Variants in MYH1 observed in about 807,000 individuals in gnomAD.
The protein encoded by MYH1 is myosin heavy chain 1, also known as myosin-1.
A neutral mutation model predicts 225.6 loss-of-function variants in MYH1; 214 were observed. The ratio of observed to expected loss-of-function variants is 0.95; its 90% confidence interval spans 0.85 to 1.06. The LOEUF is 1.06. Ranked by LOEUF, MYH1 falls within the 50% of genes least tolerant of loss-of-function variation. MYH1 has a pLI of 0.00. For synonymous variants in MYH1, 774 were observed against 842.3 expected (o/e 0.92, Z 1.40); for missense variants, 2,098 against 2,344.2 (o/e 0.89, Z 2.17).
chr17:10,499,783 ATATT>A (rs1189758415), intron 28 of MYH1, among the ~76,000 whole-genome samples: 2 of 152,220 alleles, frequency 1.3e-5, no homozygotes, highest in Non-Finnish European at 2.9e-5. Flanking sequence ...ATTATAATAA[ATATT>A]TATTCTGAAC....
At position 10,513,528 on chromosome 17, in the gene MYH1, G is replaced by A. The variant is rs571938733; in HGVS notation, c.805+98C>T. 5.3e-5 allele frequency: 63 copies of A among 1,193,958 alleles called. 1 individual carries two copies. The South Asian group carries it at 7.2e-4, about 14-fold the overall frequency. 74.0% of individuals were successfully genotyped at this position (1,193,958 alleles called of 1,614,324 possible). On this transcript the variant is annotated intron_variant, in intron 9 of 39. Transcript: ENST00000226207. ...CACAAGCATGTTTGGCAGCAGACTGGTGCTTTACAAGCTCCATGTTCAGCA... is the reference window on the plus strand; with the variant it reads ...CACAAGCATGTTTGGCAGCAGACTGATGCTTTACAAGCTCCATGTTCAGCA...
At chr17:10,510,205 T>C (rs1057003001) in intron 14 of MYH1, among the ~76,000 whole-genome samples, 5 of 151,966 alleles carry the variant, frequency 3.3e-5, no homozygotes, top group African/African-American at 4.8e-5. Flanking sequence ...TAGTCAGAGG[T>C]TTCTTAATGA....
At chr17:10,496,193 G>T (rs1328237236) in intron 34 of MYH1, 40 bp from the exon 35 acceptor site, 1 of 1,614,140 alleles carries the variant, frequency 6.2e-7, no homozygotes, top group Non-Finnish European at 8.5e-7. Flanking sequence ...TGTATTCAGG[G>T]TTGCAGGCAC....
chr17:10,513,939 A>G (rs1196820409), intron 7 of MYH1, 26 bp from the exon 8 acceptor site: 15 of 1,613,894 alleles, frequency 9.3e-6, no homozygotes, highest in Non-Finnish European at 1.1e-5. Context: ...CAGTCCTTGC[A>G]TCTGGGGCTT....
At chr17:10,497,612 A>AGC in intron 31 of MYH1, 122 bp downstream of exon 31, 2 of 1,502,560 alleles carry the variant, frequency 1.3e-6, no homozygotes, top group Non-Finnish European at 1.8e-6. Flanking sequence ...CTCCACAGAC[A>AGC]GCTGCTGATG....
intron 14 of MYH1, 91 bp from the exon 15 acceptor site, chr17:10,509,746 C>G: frequency 3.7e-6 from 6 of 1,606,682 alleles, no homozygotes; most frequent in Middle Eastern, 1.7e-4. Context: ...AAATTGCCCT[C>G]TTAGGATGGT....
chr17:10,493,229 C>T (rs1051140063), intron 39 of MYH1, among the ~76,000 whole-genome samples: 2 of 152,142 alleles, frequency 1.3e-5, no homozygotes, highest in Admixed American at 6.5e-5. Flanking sequence ...AGCTTTTCCT[C>T]TTACAGATGA....
chr17:10,509,342 A>G, intron 15 of MYH1, 143 bp downstream of exon 15: 2 of 1,302,270 alleles, frequency 1.5e-6, no homozygotes, highest in Non-Finnish European at 2.1e-6. Flanking sequence ...CAGAATATCT[A>G]CTTCAGAGTT....
chr17:10,509,626 G>A lies in MYH1; in HGVS notation c.1446C>T (p.Asn482=). The A allele has an allele frequency of 1.9e-6, 3 of 1,614,212 alleles. No individual in the cohort carries two copies. Among genetic ancestry groups the A allele is most frequent in the Non-Finnish European group, 2.5e-6 (3 of 1,180,044 alleles). Reference sequence around the variant, plus strand: ...ACTGTTGCAGTTTCTCATTGGTGAAGTTGATGCACAGCTGCTCCAGGCTGT... The same window carrying A: ...ACTGTTGCAGTTTCTCATTGGTGAAATTGATGCACAGCTGCTCCAGGCTGT... ...DFNSLEQLCI[N]FTNEKLQQFF... is the part of the protein sequence containing the mutation. The change falls in exon 15 of 40, where the codon AAC becomes AAT. Residue 482 remains asparagine, a synonymous_variant. Coordinates refer to ENST00000226207, the MANE Select transcript of MYH1 (RefSeq NM_005963.4).
At chr17:10,497,041 G>A (rs1358661686) in intron 33 of MYH1, 28 bp downstream of exon 33, 3 of 1,605,990 alleles carry the variant, frequency 1.9e-6, no homozygotes, top group South Asian at 1.1e-5. Flanking sequence ...TCTTCTAATT[G>A]TTTTAGAGTA....
chr17:10,517,577 C>T (rs765126816), intron 2 of MYH1, among the ~76,000 whole-genome samples: 13 of 152,202 alleles, frequency 8.5e-5, no homozygotes, highest in Middle Eastern at 3.4e-3. Flanking sequence ...AATAAAGATA[C>T]CTTTTCCAGG....
intron 31 of MYH1, 24 bp downstream of exon 31, chr17:10,497,710 T>C (rs767339412): frequency 1.2e-6 from 2 of 1,612,196 alleles, no homozygotes; most frequent in Non-Finnish European, 8.5e-7. Flanking sequence ...TGTTGAAAGT[T>C]GAAGCAAAAA....
chr17:10,505,268 A>C lies in MYH1; in HGVS notation c.2330T>G (p.Leu777Arg), dbSNP rs929288456. ...CAGCTTCTCATCTCGCATCTCCTCT[A>C]GGAGCCCCAGAAGACCAGCTTTGAA... ...VFFKAGLLGL[L>R]EEMRDEKLAQ... Residue 777 changes from leucine (L) to arginine (R), a missense_variant, in exon 21 of 40, where the codon CTA becomes CGA. Physicochemically the swap from Leu to Arg is moderately radical, Grantham distance 102 (BLOSUM62 -2). Transcript: ENST00000226207. 1 of 1,614,054 alleles carries C rather than the reference A, an allele frequency of 6.2e-7. No homozygotes were observed. The highest frequency in any genetic ancestry group is 1.1e-5 in the South Asian group (1 of 91,084).
At chr17:10,496,599 A>G in intron 33 of MYH1, 50 bp from the exon 34 acceptor site, 1 of 1,610,238 alleles carries the variant, frequency 6.2e-7, no homozygotes, top group Non-Finnish European at 8.5e-7. Flanking sequence ...AGTGTGTAGT[A>G]TTCTAGAGAT....
In MYH1 at chr17:10,495,760, C is replaced by CAAAAAAAA. The variant is rs3050883; in HGVS notation, c.5169+182_5169+189dup. On this transcript the variant is annotated intron_variant, in intron 35 of 39. Coordinates refer to ENST00000226207, the MANE Select transcript of MYH1 (RefSeq NM_005963.4). ...TGAGCGACAGAGCGAGACTCCGTCT[C>CAAAAAAAA]AAAAAAAAAAAAAAAATCAACTATG... 1.6e-3 allele frequency among the ~76,000 whole-genome samples: 67 copies of CAAAAAAAA among 42,154 alleles called. 6 individuals carry two copies. The highest frequency in any genetic ancestry group is 4.5e-3 in the African/African-American group (61 of 13,510). 27.7% of individuals were successfully genotyped at this position (42,154 alleles called of 152,430 possible).
At chr17:10,516,724 G>T in intron 2 of MYH1, 42 bp from the exon 3 acceptor site, 1 of 1,527,478 alleles carries the variant, frequency 6.5e-7, no homozygotes, top group South Asian at 1.2e-5. Flanking sequence ...TAAGAAACTG[G>T]ACCATTAGAT....
chr17:10,497,771 C>A lies in MYH1; in HGVS notation c.4328G>T (p.Cys1443Phe), dbSNP rs1462774514. The change falls in exon 31 of 40, where the codon TGT becomes TTT. Residue 1443 changes from cysteine to phenylalanine, a missense_variant. By Grantham distance (205) the Cys-to-Phe change is radical (BLOSUM62 -2). Transcript: ENST00000226207. ...MIDVERTNAA[C>F]AALDKKQRNF... is the part of the protein sequence containing the mutation. ...CCTTTGCTTTTTGTCCAGGGCGGCA[C>A]AGGCAGCATTTGTCCTCTCAACATC... 3 of 1,613,944 alleles carry A rather than the reference C, an allele frequency of 1.9e-6. No individual in the cohort carries two copies. Among genetic ancestry groups the A allele is most frequent in the Non-Finnish European group, 1.7e-6 (2 of 1,180,010 alleles).
chr17:10,516,602 G>A lies in MYH1; in HGVS notation c.41C>T (p.Ala14Val), dbSNP rs2073232025. ...CCTTTCAGACTTTCGGAGGAAAGGA[G>A]CAGCCTCCCCAAAAATGGCCATCTC... ...DSEMAIFGEAAPFLRKSERER... is the reference protein window; with the variant it reads ...DSEMAIFGEAVPFLRKSERER... Residue 14 changes from alanine (A) to valine (V), a missense_variant, in exon 3 of 40, where the codon GCT becomes GTT. Coordinates refer to ENST00000226207, the MANE Select transcript of MYH1 (RefSeq NM_005963.4). The A allele has an allele frequency of 1.2e-6, 2 of 1,614,072 alleles. No homozygotes were observed. The highest frequency in any genetic ancestry group is 1.7e-6 in the Non-Finnish European group (2 of 1,180,048).
At chr17:10,505,125 T>C in intron 21 of MYH1, 38 bp downstream of exon 21, 1 of 1,613,480 alleles carries the variant, frequency 6.2e-7, no homozygotes, top group Non-Finnish European at 8.5e-7. Context: ...TTAAAACACC[T>C]AAGATGATGA....
Sources: gnomAD v4.1 joint callset for allele counts (sites outside exome capture counted in the v4.1 genomes callset) on GRCh38, gnomAD v4.1.1 for gene constraint, MANE v1.5 for transcripts, NCBI Gene and HGNC (gene_info 2026-07-23, HGNC 2026-07-21) for gene names.